ZNF469: variants seen among roughly 807,000 people sequenced by gnomAD.
ZNF469 encodes zinc finger protein 469.
A neutral mutation model predicts 1.0 loss-of-function variants in ZNF469; 1 was observed. That is an observed-to-expected ratio of 1.00 (90% CI 0.35 to 4.73). The LOEUF (loss-of-function observed/expected upper bound fraction) is 4.73, where lower values mean the gene tolerates loss of function less well. Among genes scored for constraint, ZNF469 ranks in the 30% most tolerant of loss-of-function variants. ZNF469 has a pLI of 0.16. For synonymous variants in ZNF469, 2,703 were observed against 2,363.4 expected, an observed-to-expected ratio of 1.14 and a Z score of -4.17; for missense variants, 6,100 against 5,356.3, an observed-to-expected ratio of 1.14 and a Z score of -4.33.
the ZNF469 span, among the ~76,000 whole-genome samples, chr16:88,131,503 C>CCTGTTTGTTAGAACCTCTCGGCTT: frequency 9.6e-6 from 1 of 103,812 alleles, no homozygotes; most frequent in African/African-American, 4.6e-5. Flanking sequence ...CCTCTCGGCG[C>CCTGTTTGTTAGAACCTCTCGGCTT]TGCCTTCCCG....
chr16:88,129,523 G>A, the ZNF469 span, among the ~76,000 whole-genome samples: 277 of 152,286 alleles, frequency 1.8e-3, 3 homozygotes, highest in African/African-American at 6.5e-3. Flanking sequence ...TTTCAACACA[G>A]TACTTGGAAT....
the ZNF469 span, among the ~76,000 whole-genome samples, chr16:88,235,206 C>T: frequency 6.6e-6 from 1 of 152,184 alleles, no homozygotes; most frequent in Non-Finnish European, 1.5e-5. Context: ...CTGGCAGTGT[C>T]GAAGCCACGG....
Position 88,432,433 on chromosome 16 carries a change from G to GT in ZNF469, c.4963_4964insT (p.Gly1655ValfsTer70). On this transcript the variant is annotated frameshift_variant, in exon 3 of 3. Transcript: ENST00000565624. LOFTEE classifies it low-confidence loss of function (END_TRUNC). ...CGTGGAAGCGGTTCAGGGGAGGCCT[G>GT]GGGGGACGTGGCCCTGCCCAGCCTC... 3.2e-6 allele frequency: 5 copies of GT among 1,550,000 alleles called. No homozygotes were observed. Among genetic ancestry groups the GT allele is most frequent in the Non-Finnish European group, 4.4e-6 (5 of 1,146,918 alleles).
intron 1 of ZNF469, among the ~76,000 whole-genome samples, chr16:88,400,399 G>A (rs373055857): frequency 1.2e-3 from 185 of 152,336 alleles, no homozygotes; most frequent in African/African-American, 4.0e-3. Context: ...GGAGACTGAG[G>A]CCCTGCCGGC....
chr16:88,162,363 CAAA>C, the ZNF469 span, among the ~76,000 whole-genome samples: 995 of 124,088 alleles, frequency 8.0e-3, 19 homozygotes, highest in African/African-American at 0.028. Context: ...AGACATTCTT[CAAA>C]AAAAAAAAAA....
At chr16:88,110,358 C>T in the ZNF469 span, among the ~76,000 whole-genome samples, 5 of 152,270 alleles carry the variant, frequency 3.3e-5, no homozygotes, top group African/African-American at 7.2e-5. Context: ...ATTCTGCTCC[C>T]GCTCACGCCG....
At chr16:88,109,067 G>A in the ZNF469 span, among the ~76,000 whole-genome samples, 22 of 152,348 alleles carry the variant, frequency 1.4e-4, no homozygotes, top group African/African-American at 5.1e-4. Flanking sequence ...CAAAAGCAGA[G>A]AACAAATGCG....
the ZNF469 span, among the ~76,000 whole-genome samples, chr16:88,293,685 T>G: frequency 6.6e-6 from 1 of 152,196 alleles, no homozygotes; most frequent in East Asian, 1.9e-4. Flanking sequence ...ATTTTCCCTC[T>G]TAACCTTAAT....
chr16:88,363,085 G>A, the ZNF469 span, among the ~76,000 whole-genome samples: 2 of 152,020 alleles, frequency 1.3e-5, no homozygotes, highest in Non-Finnish European at 2.9e-5. Context: ...TTCTGTTGAG[G>A]CTTTCTGTCT....
At chr16:88,257,762 A>T in the ZNF469 span, among the ~76,000 whole-genome samples, 1 of 152,320 alleles carries the variant, frequency 6.6e-6, no homozygotes, top group South Asian at 2.1e-4. Flanking sequence ...AAGGTCAGTA[A>T]CTTGGACAAA....
chr16:88,380,415 TCACA>T (rs541082178), upstream of ZNF469, among the ~76,000 whole-genome samples: 1 of 111,022 alleles, frequency 9.0e-6, no homozygotes, highest in Non-Finnish European at 1.8e-5. Flanking sequence ...AGACATGCAC[TCACA>T]CAGATGCATT....
chr16:88,208,632 G>GA, the ZNF469 span, among the ~76,000 whole-genome samples: 1 of 82,444 alleles, frequency 1.2e-5, no homozygotes, highest in Non-Finnish European at 2.4e-5. Flanking sequence ...GAAGTGGGAG[G>GA]GAGAGAAGAA....
chr16:88,438,270 T>C lies in ZNF469; in HGVS notation c.10800T>C (p.Ser3600=). Residue 3600 remains serine, a synonymous_variant, in exon 3 of 3, where the codon TCT becomes TCC. Transcript: ENST00000565624. ...AGCAAGCTCTCCCTCTGGGGGCATC[T>C]CTGCCGCGGCCGGGAGCCAGAGGCC... ...LLQQALPLGA[S]LPRPGARGQD... 1 of 1,548,026 alleles carries C rather than the reference T, an allele frequency of 6.5e-7. No individual in the cohort carries two copies.
the ZNF469 span, among the ~76,000 whole-genome samples, chr16:88,280,581 T>C: frequency 6.7e-6 from 1 of 149,362 alleles, no homozygotes; most frequent in Admixed American, 6.6e-5. Flanking sequence ...TATGCTGATG[T>C]TGGTGCACAG....
At chr16:88,129,737 G>A in the ZNF469 span, among the ~76,000 whole-genome samples, 1 of 152,208 alleles carries the variant, frequency 6.6e-6, no homozygotes, top group Non-Finnish European at 1.5e-5. Flanking sequence ...GCGCACGCCT[G>A]CAGTCTCAGC....
chr16:88,435,420 A>T lies in ZNF469; in HGVS notation c.7950A>T (p.Pro2650=). 6.5e-7 allele frequency: 1 copy of T among 1,550,308 alleles called. No homozygotes were observed. The highest frequency in any genetic ancestry group is 8.7e-7 in the Non-Finnish European group (1 of 1,146,990). Residue 2650 remains proline, a synonymous_variant, in exon 3 of 3, where the codon CCA becomes CCT. Coordinates refer to ENST00000565624, the MANE Select transcript of ZNF469 (RefSeq NM_001367624.2). ...GGCTCCGGGAGGAGAGCATTCTTCC[A>T]GTCTCTGCTGATGTGATTTCAGATG... ...GRRLREESIL[P]VSADVISDGR... is the part of the protein sequence containing the mutation.
chr16:88,273,692 C>T, the ZNF469 span, among the ~76,000 whole-genome samples: 4 of 152,206 alleles, frequency 2.6e-5, no homozygotes, highest in Non-Finnish European at 5.9e-5. Flanking sequence ...GAAACATCCG[C>T]ACACCCATGT....
chr16:88,161,327 G>T, the ZNF469 span, among the ~76,000 whole-genome samples: 3 of 152,038 alleles, frequency 2.0e-5, no homozygotes, highest in African/African-American at 7.3e-5. Context: ...TCCCTAAACG[G>T]CGACGATCTA....
At chr16:88,222,836 C>T in the ZNF469 span, among the ~76,000 whole-genome samples, 67 of 152,174 alleles carry the variant, frequency 4.4e-4, no homozygotes, top group African/African-American at 1.5e-3. Context: ...TGGCCTCAAA[C>T]GATCCTTCCA....
Sources: gnomAD v4.1 joint callset for allele counts (sites outside exome capture counted in the v4.1 genomes callset) on GRCh38, gnomAD v4.1.1 for gene constraint, MANE v1.5 for transcripts, NCBI Gene and HGNC (gene_info 2026-07-23, HGNC 2026-07-21) for gene names.